SH3GLB1: variants seen among roughly 807,000 people sequenced by gnomAD.
SH3GLB1 encodes the protein SH3 domain containing GRB2 like, endophilin B1, also known as endophilin-B1.
SH3GLB1 carries 17 observed loss-of-function variants against 42.0 expected under a neutral mutation model. That is an observed-to-expected ratio of 0.40 (90% CI 0.28 to 0.61). The LOEUF (loss-of-function observed/expected upper bound fraction) is 0.61. Among genes scored for constraint, SH3GLB1 ranks in the 20% least tolerant of loss-of-function variants. SH3GLB1 has a pLI of 0.36. For missense variants in SH3GLB1, 355 were observed against 426.3 expected, an observed-to-expected ratio of 0.83 and a Z score of 1.47; for synonymous variants, 132 against 146.6, an observed-to-expected ratio of 0.90 and a Z score of 0.72.
intron 7 of SH3GLB1, among the ~76,000 whole-genome samples, chr1:86,740,772 A>T (rs192393362): frequency 2.6e-5 from 4 of 152,294 alleles, no homozygotes; most frequent in Admixed American, 2.6e-4. Flanking sequence ...AAGGGTTGGA[A>T]GAATTGTCCA....
chr1:86,740,719 A>G (rs1656019637), intron 7 of SH3GLB1, among the ~76,000 whole-genome samples: 2 of 152,198 alleles, frequency 1.3e-5, no homozygotes, highest in Non-Finnish European at 2.9e-5. Context: ...AGGATCAGGT[A>G]TGAAGTCACT....
intron 1 of SH3GLB1, among the ~76,000 whole-genome samples, chr1:86,709,413 G>C (rs1373509839): frequency 6.6e-6 from 1 of 152,146 alleles, no homozygotes; most frequent in African/African-American, 2.4e-5. Context: ...ACTAATACCA[G>C]TATAAATTGA....
intron 5 of SH3GLB1, among the ~76,000 whole-genome samples, chr1:86,727,753 C>T (rs1655273145): frequency 6.6e-6 from 1 of 152,012 alleles, no homozygotes; most frequent in African/African-American, 2.4e-5. Context: ...CAAAGCTCTG[C>T]AGTATTTAGT....
chr1:86,705,827 C>T (rs1381446790), intron 1 of SH3GLB1, among the ~76,000 whole-genome samples: 1 of 152,188 alleles, frequency 6.6e-6, no homozygotes, highest in East Asian at 1.9e-4. Context: ...GAATTATAAA[C>T]AATCTGGTGT....
chr1:86,706,717 CTG>C (rs1653888353), intron 1 of SH3GLB1, among the ~76,000 whole-genome samples: 1 of 152,138 alleles, frequency 6.6e-6, no homozygotes, highest in African/African-American at 2.4e-5. Context: ...GGATTTGACA[CTG>C]TATAATGCTA....
chr1:86,705,221 C>A (rs531713934), intron 1 of SH3GLB1, among the ~76,000 whole-genome samples: 2 of 152,152 alleles, frequency 1.3e-5, no homozygotes, highest in Non-Finnish European at 2.9e-5. Flanking sequence ...TTCCTCCCAC[C>A]CCTGGGGAAC....
intron 1 of SH3GLB1, among the ~76,000 whole-genome samples, chr1:86,708,268 C>T (rs1444303833): frequency 4.6e-5 from 7 of 152,112 alleles, no homozygotes; most frequent in Non-Finnish European, 1.5e-5. Flanking sequence ...GCCAAAGTAC[C>T]AAGTTTCATG....
chr1:86,715,765 G>A lies in SH3GLB1; in HGVS notation c.114G>A (p.Leu38=). ...EKLGQAEKTE[L]DAHLENLLSK... ...TTGGCCAGGCTGAGAAGACAGAATT[G>A]GATGCTCACTTAGAGAACCTCCTTA... The change falls in exon 2 of 9, where the codon TTG becomes TTA. Residue 38 remains leucine (L), a synonymous_variant. Coordinates refer to ENST00000370558, the MANE Select transcript of SH3GLB1 (RefSeq NM_016009.5). 2 of 1,611,238 alleles carry A rather than the reference G, an allele frequency of 1.2e-6. No homozygotes were observed. Among genetic ancestry groups the A allele is most frequent in the Non-Finnish European group, 1.7e-6 (2 of 1,179,306 alleles).
chr1:86,708,097 T>C (rs1653978501), intron 1 of SH3GLB1, among the ~76,000 whole-genome samples: 1 of 152,244 alleles, frequency 6.6e-6, no homozygotes, highest in African/African-American at 2.4e-5. Flanking sequence ...CATAATACTT[T>C]TTTAAAGATA....
At chr1:86,731,006 A>AC (rs1270234201) in intron 5 of SH3GLB1, among the ~76,000 whole-genome samples, 5 of 152,150 alleles carry the variant, frequency 3.3e-5, no homozygotes. Flanking sequence ...TTGTTTTTCG[A>AC]CTATGTTGTC....
chr1:86,743,181 A>T lies in SH3GLB1; in HGVS notation c.1044A>T (p.Glu348Asp), dbSNP rs1656143243. The T allele has an allele frequency of 6.2e-7, 1 of 1,613,706 alleles. No homozygotes were observed. Among genetic ancestry groups the T allele is most frequent in the Non-Finnish European group, 8.5e-7 (1 of 1,179,898 alleles). The change falls in exon 9 of 9, where the codon GAA (glutamate) becomes GAT (aspartate). Residue 348 changes from glutamate (E) to aspartate (D), a missense_variant. Transcript: ENST00000370558. ...VGMDSDWLMG[E>D]RGNQKGKVPI... ...TGGATTCAGACTGGCTAATGGGGGA[A>T]AGGGGAAACCAGAAGGGCAAGGTGC...
At chr1:86,707,305 T>G (rs1352095270) in intron 1 of SH3GLB1, among the ~76,000 whole-genome samples, 1 of 152,162 alleles carries the variant, frequency 6.6e-6, no homozygotes, top group Admixed American at 6.6e-5. Context: ...TAAAAGTATT[T>G]CAGGCAGCAG....
At chr1:86,737,818 G>A (rs1032789115) in intron 7 of SH3GLB1, among the ~76,000 whole-genome samples, 32 of 152,162 alleles carry the variant, frequency 2.1e-4, no homozygotes, top group African/African-American at 7.5e-4. Context: ...AGAGAAAGAC[G>A]TGAGAAAGCA....
intron 1 of SH3GLB1, among the ~76,000 whole-genome samples, chr1:86,709,388 C>T (rs1043609172): frequency 1.6e-4 from 25 of 152,108 alleles, no homozygotes; most frequent in Non-Finnish European, 1.8e-4. Flanking sequence ...ACATTGTTTG[C>T]GGACCTTGAA....
At position 86,721,896 on chromosome 1, in the gene SH3GLB1, C is replaced by T. The variant is rs77241611; in HGVS notation, c.344-644C>T. ...CATATAACCTATGCACATCCTCCCT[C>T]GTACTTTAAATCATCTGAATGTAAA... On this transcript the variant is annotated intron_variant, in intron 3 of 8. Coordinates refer to ENST00000370558, the MANE Select transcript of SH3GLB1 (RefSeq NM_016009.5). 8.2e-4 allele frequency among the ~76,000 whole-genome samples: 125 copies of T among 151,950 alleles called. No individual in the cohort carries two copies. In the South Asian group the frequency reaches 0.017, roughly 20 times the overall value.
intron 7 of SH3GLB1, among the ~76,000 whole-genome samples, chr1:86,736,427 A>T (rs1261641380): frequency 6.6e-6 from 1 of 152,250 alleles, no homozygotes; most frequent in Non-Finnish European, 1.5e-5. Flanking sequence ...TAGCCTAATC[A>T]TTAGTTATTT....
intron 8 of SH3GLB1, 80 bp from the exon 9 acceptor site, chr1:86,743,048 A>C: frequency 9.0e-7 from 1 of 1,115,456 alleles, no homozygotes; most frequent in South Asian, 1.4e-5. Context: ...AATTTAAACA[A>C]ATTAAATACA....
chr1:86,713,301 A>G (rs1291727084), intron 1 of SH3GLB1, among the ~76,000 whole-genome samples: 1 of 151,884 alleles, frequency 6.6e-6, no homozygotes, highest in African/African-American at 2.4e-5. Context: ...AGGCTGGTCT[A>G]GAACTCCTGA....
rs931731524 is a variant in SH3GLB1 at position 86,746,307 on chromosome 1, A to G, written c.*3072A>G. The G allele has an allele frequency of 6.6e-6, 1 of 152,144 alleles. No individual in the cohort carries two copies. The highest frequency in any genetic ancestry group is 2.4e-5 in the African/African-American group (1 of 41,404). The allele number at this position is 152,144 out of a possible 1,614,324, so 9.4% of individuals were successfully genotyped here. ...AGACTTGTTTACCCATAGAGGCCCCACTCACCTCCATGCTGACAGAATTCC... is the reference window on the plus strand; with the variant it reads ...AGACTTGTTTACCCATAGAGGCCCCGCTCACCTCCATGCTGACAGAATTCC... On this transcript the variant is annotated 3_prime_UTR_variant, in exon 9 of 9. Coordinates refer to ENST00000370558, the MANE Select transcript of SH3GLB1 (RefSeq NM_016009.5).
Sources: allele counts gnomAD v4.1 joint callset (sites outside exome capture counted in the v4.1 genomes callset), GRCh38; gene constraint gnomAD v4.1.1; transcripts MANE v1.5; gene names NCBI Gene and HGNC (gene_info 2026-07-23, HGNC 2026-07-21).